The following LRRIQ3 variants were observed in gnomAD, a reference collection of about 807,000 sequenced individuals.
The protein encoded by LRRIQ3 is leucine rich repeats and IQ motif containing 3.
In LRRIQ3, 75 loss-of-function variants were observed where a neutral mutation model predicts 59.3. The observed-to-expected ratio is 1.26, with a 90% CI of 1.05 to 1.53. The LOEUF is 1.53. Ranked by LOEUF, LRRIQ3 falls within the 40% of genes most tolerant of loss-of-function variation. LRRIQ3 has a pLI of 0.00. For synonymous variants in LRRIQ3, 250 were observed against 231.3 expected (o/e 1.08, Z -0.73); for missense variants, 831 against 710.0 (o/e 1.17, Z -1.94).
chr1:74,054,547 T>C (rs1654464867), intron 6 of LRRIQ3, among the ~76,000 whole-genome samples: 1 of 152,002 alleles, frequency 6.6e-6, no homozygotes, highest in Non-Finnish European at 1.5e-5. Context: ...GATAATAATG[T>C]GTTAGTTTAA....
chr1:74,039,061 A>G, intron 7 of LRRIQ3, among the ~76,000 whole-genome samples: 1 of 152,198 alleles, frequency 6.6e-6, no homozygotes, highest in East Asian at 1.9e-4. Context: ...AGTTCTTAGC[A>G]AAGAAGGTAA....
At position 74,198,133 on chromosome 1, in the gene LRRIQ3, C is replaced by T. The variant is rs1275788025; in HGVS notation, c.-138G>A. The T allele has an allele frequency of 1.5e-5, 22 of 1,463,318 alleles. No individual in the cohort carries two copies. Among genetic ancestry groups the T allele is most frequent in the Non-Finnish European group, 1.8e-5 (20 of 1,105,738 alleles). 90.6% of individuals were successfully genotyped at this position (1,463,318 alleles called of 1,614,324 possible). On this transcript the variant is annotated 5_prime_UTR_variant, in exon 1 of 8. It removes an upstream start codon present in the reference 5' UTR. Transcript: ENST00000354431. ...AAGACAACATCCAAGTTCTCCACATCATGGTTTTCCGGGCGCCAGCCAAGG... is the reference window on the plus strand; with the variant it reads ...AAGACAACATCCAAGTTCTCCACATTATGGTTTTCCGGGCGCCAGCCAAGG...
chr1:74,134,480 T>A (rs1647086636), intron 4 of LRRIQ3, among the ~76,000 whole-genome samples: 1 of 151,966 alleles, frequency 6.6e-6, no homozygotes, highest in East Asian at 1.9e-4. Flanking sequence ...AAATTATAAA[T>A]ACATACGTTA....
intron 5 of LRRIQ3, among the ~76,000 whole-genome samples, chr1:74,106,985 T>G (rs1406412555): frequency 1.3e-5 from 2 of 151,958 alleles, no homozygotes; most frequent in Non-Finnish European, 2.9e-5. Flanking sequence ...CCCAGCTGCT[T>G]TTGTCAAATT....
chr1:74,071,417 A>G (rs555956790), intron 6 of LRRIQ3, among the ~76,000 whole-genome samples: 1 of 152,278 alleles, frequency 6.6e-6, no homozygotes, highest in African/African-American at 2.4e-5. Flanking sequence ...TCTGGAAAAT[A>G]AAATGAAAAT....
intron 4 of LRRIQ3, among the ~76,000 whole-genome samples, chr1:74,115,644 G>A (rs573702699): frequency 2.0e-5 from 3 of 152,076 alleles, no homozygotes; most frequent in Non-Finnish European, 2.9e-5. Flanking sequence ...CAAGATCAAG[G>A]TAACCTAGCC....
intron 4 of LRRIQ3, among the ~76,000 whole-genome samples, chr1:74,144,014 A>T (rs1295326121): frequency 6.6e-6 from 1 of 152,038 alleles, no homozygotes; most frequent in East Asian, 1.9e-4. Flanking sequence ...AGCATTAACG[A>T]TGTACATTTA....
At chr1:74,064,054 T>C (rs1446808814) in intron 6 of LRRIQ3, among the ~76,000 whole-genome samples, 1 of 151,844 alleles carries the variant, frequency 6.6e-6, no homozygotes, top group Admixed American at 6.6e-5. Flanking sequence ...TCCAGTAAAA[T>C]ATGAAAACTT....
At chr1:74,045,406 C>T (rs1036927656) in intron 6 of LRRIQ3, among the ~76,000 whole-genome samples, 1 of 152,084 alleles carries the variant, frequency 6.6e-6, no homozygotes, top group African/African-American at 2.4e-5. Context: ...CGACAAAATT[C>T]AGCAGGCTTC....
chr1:74,050,706 TG>T, intron 6 of LRRIQ3: 3 of 233,422 alleles, frequency 1.3e-5, no homozygotes, highest in South Asian at 1.6e-4. Context: ...TAGCCTTATG[TG>T]ATACATAAGC....
At position 74,183,431 on chromosome 1, in the gene LRRIQ3, C is replaced by T; in HGVS notation, c.249+5G>A. On this transcript the variant is annotated splice_donor_5th_base_variant and intron_variant, in intron 2 of 7. Coordinates refer to ENST00000354431, the MANE Select transcript of LRRIQ3 (RefSeq NM_001105659.2). ...ATGCAAATATCTGAAATGGCTATTG[C>T]TTACCTGATTTCCATGGAGATCAAG... 6.4e-7 allele frequency: 1 copy of T among 1,557,890 alleles called. No individual in the cohort carries two copies. Among genetic ancestry groups the T allele is most frequent in the South Asian group, 1.2e-5 (1 of 81,568 alleles).
Position 74,067,659 on chromosome 1 carries a change from C to A in LRRIQ3, c.997+7002G>T, listed in dbSNP as rs1654904088. Among the ~76,000 whole-genome samples, 4 of 151,736 alleles carry A rather than the reference C, an allele frequency of 2.6e-5. No individual in the cohort carries two copies. The South Asian group carries it at 8.3e-4, about 31-fold the overall frequency. ...GAGTCATATGTAGTTTTCATATCTG[C>A]TTTTTTTTCTTAATTTCTTCCCACA... On this transcript the variant is annotated intron_variant, in intron 6 of 7. Transcript: ENST00000354431.
intron 4 of LRRIQ3, among the ~76,000 whole-genome samples, chr1:74,140,666 T>C (rs1016956601): frequency 1.3e-5 from 2 of 151,814 alleles, no homozygotes; most frequent in African/African-American, 4.8e-5. Context: ...CTCAATGAAA[T>C]TCAAAGTCAA....
intron 5 of LRRIQ3, among the ~76,000 whole-genome samples, chr1:74,076,603 A>G (rs1005789483): frequency 6.6e-6 from 1 of 152,048 alleles, no homozygotes; most frequent in Non-Finnish European, 1.5e-5. Context: ...CACTTGTTCA[A>G]ACCTCCTTTA....
chr1:74,087,439 A>C lies in LRRIQ3; in HGVS notation c.868-12649T>G, dbSNP rs149845945. ...TGGCTTTCATTTTTTTCAATGATCC[A>C]CCACAGAGTTGGTGTTTAATTATAT... On this transcript the variant is annotated intron_variant, in intron 5 of 7. Coordinates refer to ENST00000354431, the MANE Select transcript of LRRIQ3 (RefSeq NM_001105659.2). Among the ~76,000 whole-genome samples, 64 of 121,724 alleles carry C rather than the reference A, an allele frequency of 5.3e-4. No individual in the cohort carries two copies. The East Asian group carries it at 7.7e-3, about 15-fold the overall frequency. The allele number at this position is 121,724 out of a possible 152,430, so 79.9% of individuals were successfully genotyped here. A position where few individuals can be genotyped will look rare whatever the true frequency, so the allele number is the denominator to read the frequency against.
chr1:74,100,069 G>A (rs1438075840), intron 5 of LRRIQ3, among the ~76,000 whole-genome samples: 3 of 152,128 alleles, frequency 2.0e-5, no homozygotes, highest in Middle Eastern at 3.4e-3. Flanking sequence ...CAATCAGGCA[G>A]GAGAAAGAAA....
rs1028985743 is a variant in LRRIQ3 at position 74,159,321 on chromosome 1, T to C, written c.574-3455A>G. Among the ~76,000 whole-genome samples the C allele has an allele frequency of 3.3e-5, 5 of 152,198 alleles. 1 individual carries two copies. The highest frequency in any genetic ancestry group is 4.1e-4 in the South Asian group (2 of 4,832). ...CAATCATTGGTGTATCTTCTCCATA[T>C]AAGCTCACCAAATTTAACAACTCTT... On this transcript the variant is annotated intron_variant, in intron 3 of 7. Coordinates refer to ENST00000354431, the MANE Select transcript of LRRIQ3 (RefSeq NM_001105659.2).
intron 4 of LRRIQ3, among the ~76,000 whole-genome samples, chr1:74,115,182 T>C (rs1006559382): frequency 1.4e-4 from 21 of 152,102 alleles, no homozygotes; most frequent in African/African-American, 5.1e-4. Flanking sequence ...TGCTCAATCA[T>C]TCATTCATTC....
At chr1:74,062,718 A>G (rs1302742936) in intron 6 of LRRIQ3, among the ~76,000 whole-genome samples, 3 of 152,148 alleles carry the variant, frequency 2.0e-5, no homozygotes, top group Non-Finnish European at 2.9e-5. Flanking sequence ...CATTATCCTC[A>G]GCAAATTAAC....
Sources: gnomAD v4.1 joint callset for allele counts (sites outside exome capture counted in the v4.1 genomes callset) on GRCh38, gnomAD v4.1.1 for gene constraint, MANE v1.5 for transcripts, NCBI Gene and HGNC (gene_info 2026-07-23, HGNC 2026-07-21) for gene names.